The following FDFT1 variants were observed in gnomAD, a reference collection of about 807,000 sequenced individuals.
FDFT1 encodes farnesyl-diphosphate farnesyltransferase 1.
Under a neutral mutation model 46.8 loss-of-function variants are expected in FDFT1, and 68 were observed. That is an observed-to-expected ratio of 1.45 (90% CI 1.19 to 1.78). The LOEUF (loss-of-function observed/expected upper bound fraction) is 1.78. Among genes scored for constraint, FDFT1 ranks in the 40% most tolerant of loss-of-function variants. The pLI, the probability that FDFT1 is intolerant of heterozygous loss-of-function variation, is 0.00. For missense variants in FDFT1, 928 were observed against 524.4 expected, an observed-to-expected ratio of 1.77 and a Z score of -7.52; for synonymous variants, 351 against 185.1, an observed-to-expected ratio of 1.90 and a Z score of -7.28.
At chr8:11,825,860 C>A in intron 4 of FDFT1, 164 bp from the exon 5 acceptor site, 2 of 428,462 alleles carry the variant, frequency 4.7e-6, no homozygotes, top group Non-Finnish European at 8.3e-6. Context: ...GCACATCCTT[C>A]TTGAATGTTT....
intron 4 of FDFT1, among the ~76,000 whole-genome samples, chr8:11,822,890 G>T (rs1212730911): frequency 1.3e-5 from 2 of 152,208 alleles, no homozygotes; most frequent in East Asian, 3.8e-4. Context: ...ATTTTCTGTT[G>T]TGCAGATTTA....
chr8:11,832,830 A>C (rs1347589864), intron 7 of FDFT1, among the ~76,000 whole-genome samples: 1 of 151,794 alleles, frequency 6.6e-6, no homozygotes, highest in Non-Finnish European at 1.5e-5. Context: ...AACATACAAG[A>C]CCCTCATCAT....
At chr8:11,816,702 T>G (rs979564701) in intron 3 of FDFT1, among the ~76,000 whole-genome samples, 17 of 152,170 alleles carry the variant, frequency 1.1e-4, no homozygotes, top group African/African-American at 3.4e-4. Context: ...TGCTTGAGAT[T>G]TTTTGCACAT....
chr8:11,814,859 G>GT lies in FDFT1; in HGVS notation c.381+5020dup, dbSNP rs112032393. Reference sequence around the variant, plus strand: ...GAATCTAAGCTCTTCAAGGGTCTGAGTTTTTTTTTTTCTTTTTCTTTTATT... The same window carrying GT: ...GAATCTAAGCTCTTCAAGGGTCTGAGTTTTTTTTTTTTCTTTTTCTTTTATT... On this transcript the variant is annotated intron_variant, in intron 3 of 7. Transcript: ENST00000220584. Among the ~76,000 whole-genome samples, 447 of 147,960 alleles carry GT rather than the reference G, an allele frequency of 3.0e-3. 1 individual carries two copies. Among genetic ancestry groups the GT allele is most frequent in the African/African-American group, 9.2e-3 (373 of 40,560 alleles).
intron 1 of FDFT1, among the ~76,000 whole-genome samples, chr8:11,796,628 G>A (rs56303605): frequency 0.052 from 7,951 of 152,280 alleles, 298 homozygotes; most frequent in Middle Eastern, 0.078. Flanking sequence ...TCTGGCCTGG[G>A]GAAGTTGGAA....
upstream of FDFT1, among the ~76,000 whole-genome samples, chr8:11,797,607 C>G (rs1382721685): frequency 1.9e-5 from 2 of 106,768 alleles, no homozygotes; most frequent in Admixed American, 2.7e-4. Context: ...GCCTGGACAA[C>G]ATAAGACCCT....
At chr8:11,815,887 C>G (rs1436771972) in intron 3 of FDFT1, among the ~76,000 whole-genome samples, 1 of 152,176 alleles carries the variant, frequency 6.6e-6, no homozygotes, top group African/African-American at 2.4e-5. Flanking sequence ...TCCCATTTGT[C>G]TAGTTTGGCT....
intron 5 of FDFT1, among the ~76,000 whole-genome samples, chr8:11,829,553 T>C (rs559737977): frequency 6.6e-6 from 1 of 152,364 alleles, no homozygotes; most frequent in African/African-American, 2.4e-5. Flanking sequence ...GGTTTACTGT[T>C]TAGTCTGCAG....
intron 1 of FDFT1, chr8:11,808,468 A>G (rs1285384734): frequency 5.4e-6 from 7 of 1,286,630 alleles, no homozygotes; most frequent in Admixed American, 4.0e-5. Flanking sequence ...GGCGCTTCCC[A>G]GATCTGCTTG....
At chr8:11,805,311 G>C (rs1229757191) in intron 1 of FDFT1, among the ~76,000 whole-genome samples, 1 of 152,076 alleles carries the variant, frequency 6.6e-6, no homozygotes, top group African/African-American at 2.4e-5. Flanking sequence ...AGAATTTCAG[G>C]GTTTAGTAAA....
At chr8:11,813,587 T>A (rs924043735) in intron 3 of FDFT1, among the ~76,000 whole-genome samples, 1 of 152,234 alleles carries the variant, frequency 6.6e-6, no homozygotes, top group Non-Finnish European at 1.5e-5. Flanking sequence ...AGATCTCTTG[T>A]GCTGAGTCAC....
intron 5 of FDFT1, among the ~76,000 whole-genome samples, chr8:11,827,298 A>G (rs1244249164): frequency 6.6e-6 from 1 of 152,234 alleles, no homozygotes; most frequent in Admixed American, 6.5e-5. Flanking sequence ...AAATTGTTAG[A>G]AAATGATTCT....
chr8:11,803,971 G>A (rs1478501168), intron 1 of FDFT1: 2 of 152,278 alleles, frequency 1.3e-5, no homozygotes, highest in African/African-American at 4.8e-5. Flanking sequence ...TTTTGCTACA[G>A]AATAACTTCT....
intron 3 of FDFT1, among the ~76,000 whole-genome samples, chr8:11,813,700 C>T (rs1585902021): frequency 1.3e-5 from 2 of 152,150 alleles, no homozygotes; most frequent in Non-Finnish European, 2.9e-5. Flanking sequence ...CTCCATTATC[C>T]CTGTGAACTC....
At position 11,830,282 on chromosome 8, in the gene FDFT1, T is replaced by C. The variant is rs563016550; in HGVS notation, c.741T>C (p.Ala247=). The C allele has an allele frequency of 8.1e-6, 13 of 1,614,106 alleles. No individual in the cohort carries two copies. Among genetic ancestry groups the C allele is most frequent in the South Asian group, 2.2e-5 (2 of 91,080 alleles). ...SRYVKKLGDF[A]KPENIDLAVQ... ...ATGTTAAGAAGTTAGGGGATTTTGC[T>C]AAGCCGGAGAATATTGACTTGGCCG... Residue 247 remains alanine (A), a synonymous_variant, in exon 6 of 8, where the codon GCT becomes GCC. Transcript: ENST00000220584.
At chr8:11,795,609 G>A (rs528390729) in exon 1 of FDFT1, 6 of 148,688 alleles carry the variant, frequency 4.0e-5, no homozygotes, top group African/African-American at 1.0e-4. Context: ...GCTTTACAAC[G>A]CTTGGGAAGC....
intron 1 of FDFT1, among the ~76,000 whole-genome samples, chr8:11,805,985 T>C (rs1806777262): frequency 6.6e-6 from 1 of 152,144 alleles, no homozygotes. Context: ...ATCAATCTGA[T>C]TATGTAAATT....
intron 3 of FDFT1, among the ~76,000 whole-genome samples, chr8:11,812,375 A>G (rs1187783486): frequency 1.3e-5 from 2 of 151,884 alleles, no homozygotes; most frequent in African/African-American, 4.8e-5. Context: ...TGTGTTGGGG[A>G]GTGTTGTGGA....
chr8:11,798,383 C>T (rs1056094440), upstream of FDFT1, among the ~76,000 whole-genome samples: 1 of 152,156 alleles, frequency 6.6e-6, no homozygotes, highest in Non-Finnish European at 1.5e-5. Context: ...AGACGAATAA[C>T]TCTACCTGCC....
Sources: allele counts gnomAD v4.1 joint callset (sites outside exome capture counted in the v4.1 genomes callset), GRCh38; gene constraint gnomAD v4.1.1; transcripts MANE v1.5; gene names NCBI Gene and HGNC (gene_info 2026-07-23, HGNC 2026-07-21).